Variants in DDB1 observed in about 807,000 individuals in gnomAD.
DDB1 encodes the protein DNA damage-binding protein 1.
A neutral mutation model predicts 133.1 loss-of-function variants in DDB1; 18 were observed. That is an observed-to-expected ratio of 0.14 (90% CI 0.09 to 0.20). The LOEUF is 0.20. DDB1 is among the 10% of genes least tolerant of loss of function. The pLI, the probability that DDB1 is intolerant of heterozygous loss-of-function variation, is 1.00. For missense variants in DDB1, 828 were observed against 1,459.2 expected, an observed-to-expected ratio of 0.57 and a Z score of 7.05; for synonymous variants, 580 against 550.5, an observed-to-expected ratio of 1.05 and a Z score of -0.75.
intron 8 of DDB1, 62 bp downstream of exon 8, chr11:61,322,949 G>C: frequency 7.3e-7 from 1 of 1,377,330 alleles, no homozygotes; most frequent in Non-Finnish European, 1.0e-6. Flanking sequence ...AAACATAGGA[G>C]AAATTTGATG....
At chr11:61,328,161 T>C (rs573424801) in intron 4 of DDB1, among the ~76,000 whole-genome samples, 19 of 152,248 alleles carry the variant, frequency 1.2e-4, no homozygotes, top group African/African-American at 2.2e-4. Context: ...CTAAAGAACA[T>C]AGAGAAATTC....
chr11:61,301,076 AT>A, intron 25 of DDB1, 144 bp from the exon 26 acceptor site: 2 of 1,238,652 alleles, frequency 1.6e-6, no homozygotes, highest in South Asian at 3.2e-5. Context: ...TTATTTGGAC[AT>A]TTTTGGAATT....
intron 7 of DDB1, chr11:61,323,409 C>CA: frequency 3.4e-6 from 1 of 295,758 alleles, no homozygotes. Flanking sequence ...CAGCAATAAT[C>CA]TTTTTTTTTT....
At position 61,303,017 on chromosome 11, in the gene DDB1, C is replaced by G. The variant is rs371873153; in HGVS notation, c.2942+29G>C. The G allele has an allele frequency of 1.4e-5, 22 of 1,597,130 alleles. No homozygotes were observed. In the Admixed American group the frequency reaches 1.7e-4, roughly 12 times the overall value. On this transcript the variant is annotated intron_variant, in intron 23 of 26. Coordinates refer to ENST00000301764, the MANE Select transcript of DDB1 (RefSeq NM_001923.5). ...AGACCAAGGAACTCCCAGCCCTCCC[C>G]ACCACTCCCAGAGCTGGCCACTACT...
chr11:61,322,116 A>C (rs1856189956), intron 9 of DDB1, 180 bp downstream of exon 9: 1 of 637,470 alleles, frequency 1.6e-6, no homozygotes, highest in Non-Finnish European at 2.8e-6. Context: ...ATGTATATAA[A>C]GTGCCTGGCA....
intron 21 of DDB1, among the ~76,000 whole-genome samples, chr11:61,306,780 G>A (rs776142956): frequency 2.6e-5 from 4 of 151,926 alleles, no homozygotes; most frequent in Non-Finnish European, 5.9e-5. Context: ...AACAAAACTC[G>A]ACTTGTATTA....
In DDB1 at chr11:61,313,592, A is replaced by T; in HGVS notation, c.1976T>A (p.Ile659Asn). The change falls in exon 16 of 27, where the codon ATC becomes AAC. Residue 659 changes from isoleucine (I) to asparagine (N), a missense_variant. By Grantham distance (149) the Ile-to-Asn change is moderately radical (BLOSUM62 -3). Transcript: ENST00000301764. ...VFACSDRPTVIYSSNHKLVFS... is the reference protein window; with the variant it reads ...VFACSDRPTVNYSSNHKLVFS... ...GACCAATTTGTGGTTGCTGCTATAG[A>T]TGACAGTGGGGCGGTCAGAACAAGC... 6.2e-7 allele frequency: 1 copy of T among 1,614,200 alleles called. No individual in the cohort carries two copies. The highest frequency in any genetic ancestry group is 8.5e-7 in the Non-Finnish European group (1 of 1,180,034).
chr11:61,331,518 T>C (rs150402073), intron 2 of DDB1, 25 bp downstream of exon 2: 7 of 1,607,626 alleles, frequency 4.4e-6, no homozygotes, highest in Non-Finnish European at 5.1e-6. Flanking sequence ...CCCCCTCCAC[T>C]GCTTGTCCCA....
intron 10 of DDB1, among the ~76,000 whole-genome samples, chr11:61,317,602 G>A (rs1856113209): frequency 6.6e-6 from 1 of 152,008 alleles, no homozygotes; most frequent in Admixed American, 6.5e-5. Flanking sequence ...CGCCTCCCGG[G>A]TTCAAGCGAT....
chr11:61,310,656 A>G, intron 18 of DDB1: 2 of 378,646 alleles, frequency 5.3e-6, no homozygotes, highest in Non-Finnish European at 9.4e-6. Flanking sequence ...CTTCAAGTCA[A>G]TCAAGCACAG....
chr11:61,316,224 C>CT, intron 12 of DDB1, 61 bp downstream of exon 12: 1 of 1,441,142 alleles, frequency 6.9e-7, no homozygotes, highest in Non-Finnish European at 9.7e-7. Flanking sequence ...CAGTGGTGCT[C>CT]TGTACTGCAT....
intron 1 of DDB1, 51 bp from the exon 2 acceptor site, chr11:61,331,742 C>T (rs367825044): frequency 1.1e-5 from 17 of 1,608,626 alleles, no homozygotes; most frequent in African/African-American, 4.0e-5. Flanking sequence ...GGCCTCCCAT[C>T]CCTTCAAAAT....
rs1280368313 is a variant in DDB1 at position 61,302,321 on chromosome 11, G to A, written c.3151C>T (p.Leu1051=). 5 of 1,614,082 alleles carry A rather than the reference G, an allele frequency of 3.1e-6. No individual in the cohort carries two copies. Among genetic ancestry groups the A allele is most frequent in the Non-Finnish European group, 4.2e-6 (5 of 1,180,028 alleles). ...TSLSESWYNL[L]LDMQNRLNKV... Reference sequence around the variant, plus strand: ...TTGAGTCGATTCTGCATGTCCAGCAGGAGGTTGTACCAGCTCTCTGACAGT... The same window carrying A: ...TTGAGTCGATTCTGCATGTCCAGCAAGAGGTTGTACCAGCTCTCTGACAGT... The change falls in exon 25 of 27, where the codon CTG becomes TTG. Residue 1051 remains leucine, a synonymous_variant. Coordinates refer to ENST00000301764, the MANE Select transcript of DDB1 (RefSeq NM_001923.5).
chr11:61,332,988 C>G lies in DDB1; in HGVS notation c.-20G>C. On this transcript the variant is annotated 5_prime_UTR_variant, in exon 1 of 27. Transcript: ENST00000301764. ...CGACATGTCGAGGCTTGGAGCGGCC[C>G]GTCGGGACTCGAGCGCGACACTAGA... The G allele has an allele frequency of 6.7e-7, 1 of 1,491,832 alleles. No homozygotes were observed. The highest frequency in any genetic ancestry group is 9.0e-7 in the Non-Finnish European group (1 of 1,112,118). The allele number at this position is 1,491,832 out of a possible 1,614,324, so 92.4% of individuals were successfully genotyped here. A position where few individuals can be genotyped will look rare whatever the true frequency, so the allele number is the denominator to read the frequency against.
intron 1 of DDB1, 135 bp downstream of exon 1, chr11:61,332,773 G>T: frequency 2.8e-6 from 2 of 725,108 alleles, no homozygotes; most frequent in Non-Finnish European, 4.0e-6. Context: ...TGCTGGGGGA[G>T]GTTCCTCGGC....
intron 25 of DDB1, chr11:61,301,865 C>T: frequency 6.0e-6 from 1 of 165,704 alleles, no homozygotes; most frequent in Non-Finnish European, 1.3e-5. Flanking sequence ...GCTTCTTCAC[C>T]TTTCCCTTTC....
Position 61,322,333 on chromosome 11 carries a change from A to AT in DDB1, c.1084dup (p.Met362AsnfsTer42). The AT allele has an allele frequency of 6.2e-7, 1 of 1,614,200 alleles. No individual in the cohort carries two copies. Among genetic ancestry groups the AT allele is most frequent in the Non-Finnish European group, 8.5e-7 (1 of 1,180,030 alleles). ...CTGCCTCTCCAGGTCCACCACGCAC[A>AT]TATCGACAATGGGTCCTAAGTTGGT... On this transcript the variant is annotated frameshift_variant, in exon 9 of 27. Coordinates refer to ENST00000301764, the MANE Select transcript of DDB1 (RefSeq NM_001923.5). LOFTEE classifies it high-confidence loss of function.
chr11:61,330,595 T>C (rs1243748471), intron 2 of DDB1, among the ~76,000 whole-genome samples: 1 of 152,176 alleles, frequency 6.6e-6, no homozygotes, highest in East Asian at 1.9e-4. Flanking sequence ...TAAAGCAATG[T>C]GGTGGTGATT....
intron 21 of DDB1, among the ~76,000 whole-genome samples, chr11:61,304,603 A>C (rs1028001266): frequency 1.9e-4 from 29 of 152,304 alleles, no homozygotes; most frequent in Non-Finnish European, 3.5e-4. Context: ...AGCCGGCCGC[A>C]GTGGCTCACG....
Sources: gnomAD v4.1 joint callset for allele counts (sites outside exome capture counted in the v4.1 genomes callset) on GRCh38, gnomAD v4.1.1 for gene constraint, MANE v1.5 for transcripts, NCBI Gene and HGNC (gene_info 2026-07-23, HGNC 2026-07-21) for gene names.